Variants in SLC39A11 observed in about 807,000 individuals in gnomAD.
The protein encoded by SLC39A11 is zinc transporter ZIP11.
SLC39A11 carries 33 observed loss-of-function variants against 36.1 expected under a neutral mutation model. That is an observed-to-expected ratio of 0.91 (90% CI 0.69 to 1.22). SLC39A11 has a LOEUF of 1.22. Ranked by LOEUF, SLC39A11 falls within the 50% of genes most tolerant of loss-of-function variation. SLC39A11 has a pLI of 0.00. For missense variants in SLC39A11, 432 were observed against 430.3 expected (o/e 1.00, Z -0.03); for synonymous variants, 166 against 170.3 (o/e 0.97, Z 0.20).
chr17:73,031,561 G>A lies in SLC39A11; in HGVS notation c.301C>T (p.His101Tyr). ...AAAAGTAGAGTGGTACTCACCAAGTGAGGCATCAGGAGGTCAGCCAAGTAG... is the reference window on the plus strand; with the variant it reads ...AAAAGTAGAGTGGTACTCACCAAGTAAGGCATCAGGAGGTCAGCCAAGTAG... ...FVYLADLLMPHLGAAEDPQTT... is the reference protein window; with the variant it reads ...FVYLADLLMPYLGAAEDPQTT... Residue 101 changes from histidine to tyrosine, a missense_variant, in exon 4 of 10, where the codon CAC becomes TAC. By Grantham distance (83) the His-to-Tyr change is moderately conservative (BLOSUM62 2). Transcript: ENST00000255559. The A allele has an allele frequency of 6.2e-7, 1 of 1,614,148 alleles. No individual in the cohort carries two copies. Among genetic ancestry groups the A allele is most frequent in the Non-Finnish European group, 8.5e-7 (1 of 1,180,022 alleles).
chr17:72,662,772 AAAG>A (rs1366369052), intron 7 of SLC39A11, among the ~76,000 whole-genome samples: 4 of 151,818 alleles, frequency 2.6e-5, no homozygotes, highest in African/African-American at 9.7e-5. Flanking sequence ...AAGGAAAAGA[AAAG>A]AAAGGAAGGA....
intron 1 of SLC39A11, among the ~76,000 whole-genome samples, chr17:73,090,173 A>G (rs1248830442): frequency 6.6e-6 from 1 of 152,154 alleles, no homozygotes; most frequent in African/African-American, 2.4e-5. Flanking sequence ...TTGACCCTGG[A>G]AGGAAACCAT....
chr17:72,647,260 T>A lies in SLC39A11; in HGVS notation c.*324A>T. 1 of 211,134 alleles carries A rather than the reference T, an allele frequency of 4.7e-6. No homozygotes were observed. Among genetic ancestry groups the A allele is most frequent in the Non-Finnish European group, 9.5e-6 (1 of 105,082 alleles). The allele number at this position is 211,134 out of a possible 1,614,324, so 13.1% of individuals were successfully genotyped here. On this transcript the variant is annotated 3_prime_UTR_variant, in exon 10 of 10. Coordinates refer to ENST00000255559, the MANE Select transcript of SLC39A11 (RefSeq NM_139177.4). ...CGCTTCTATAGGTGACCTTGAGGAG[T>A]TGGGAGGCAGATAGAAGGTCCCGAA... is the stretch of plus-strand genomic sequence containing the variant.
Position 72,959,311 on chromosome 17 carries a change from A to ATG in SLC39A11, c.307-11438_307-11437dup, listed in dbSNP as rs1214552224. On this transcript the variant is annotated intron_variant, in intron 4 of 9. Transcript: ENST00000255559. ...AGTGGACAAAGAAACTGGTGTATGT[A>ATG]TGTGTGTGTGTGTGTATATATATAT... Among the ~76,000 whole-genome samples the ATG allele has an allele frequency of 5.8e-3, 538 of 92,466 alleles. 2 individuals carry two copies. The highest frequency in any genetic ancestry group is 0.014 in the African/African-American group (332 of 23,848). The allele number at this position is 92,466 out of a possible 152,430, so 60.7% of individuals were successfully genotyped here.
At chr17:73,041,134 T>C (rs2059100998) in intron 3 of SLC39A11, among the ~76,000 whole-genome samples, 1 of 152,160 alleles carries the variant, frequency 6.6e-6, no homozygotes, top group Admixed American at 6.5e-5. Context: ...CACTTTGGAA[T>C]ATCACAGAAT....
intron 5 of SLC39A11, among the ~76,000 whole-genome samples, chr17:72,885,781 C>A (rs1420848288): frequency 6.6e-6 from 1 of 152,314 alleles, no homozygotes; most frequent in East Asian, 1.9e-4. Context: ...TCGCTAGAGC[C>A]ACCCTCTAGC....
chr17:72,750,045 C>T (rs946015784), intron 6 of SLC39A11, among the ~76,000 whole-genome samples: 1 of 152,160 alleles, frequency 6.6e-6, no homozygotes, highest in African/African-American at 2.4e-5. Flanking sequence ...CACAAAGAGA[C>T]TGGGGATTCC....
intron 5 of SLC39A11, among the ~76,000 whole-genome samples, chr17:72,920,895 T>C (rs1169974503): frequency 1.3e-5 from 2 of 151,980 alleles, no homozygotes; most frequent in Non-Finnish European, 2.9e-5. Flanking sequence ...CATGCATACG[T>C]CTTACCCCCT....
intron 4 of SLC39A11, among the ~76,000 whole-genome samples, chr17:73,002,499 G>A (rs1167670553): frequency 6.6e-6 from 1 of 152,180 alleles, no homozygotes. Context: ...TGAGCTTTTA[G>A]ATGACCAAAA....
At chr17:72,787,698 A>G (rs376830536) in intron 6 of SLC39A11, among the ~76,000 whole-genome samples, 8 of 152,306 alleles carry the variant, frequency 5.3e-5, no homozygotes, top group Admixed American at 1.3e-4. Flanking sequence ...TTGGAGGTAA[A>G]CATCATTTTT....
Position 72,957,646 on chromosome 17 carries a change from C to T in SLC39A11, c.307-9771G>A, listed in dbSNP as rs1446891984. ...ACAGTCTGGCCAACATGGCAAAATC[C>T]CATCTCTACTAAAAATATAAAAATC... On this transcript the variant is annotated intron_variant, in intron 4 of 9. Coordinates refer to ENST00000255559, the MANE Select transcript of SLC39A11 (RefSeq NM_139177.4). 8.5e-5 allele frequency among the ~76,000 whole-genome samples: 13 copies of T among 152,250 alleles called. No individual in the cohort carries two copies. In the East Asian group the frequency reaches 2.1e-3, roughly 25 times the overall value.
chr17:72,693,809 CCCA>C (rs2072153745), intron 7 of SLC39A11, among the ~76,000 whole-genome samples: 1 of 152,134 alleles, frequency 6.6e-6, no homozygotes, highest in Admixed American at 6.5e-5. Context: ...ATTACAGGCG[CCCA>C]CCACCACGCC....
intron 4 of SLC39A11, among the ~76,000 whole-genome samples, chr17:72,954,615 G>A (rs980610986): frequency 2.0e-5 from 3 of 152,240 alleles, no homozygotes; most frequent in Admixed American, 2.0e-4. Flanking sequence ...AATTGATGCT[G>A]TTTTTATTAC....
chr17:72,746,128 G>GAGT (rs1568021826), intron 6 of SLC39A11, among the ~76,000 whole-genome samples: 2 of 152,196 alleles, frequency 1.3e-5, no homozygotes, highest in East Asian at 3.8e-4. Flanking sequence ...CTGAAGGTGG[G>GAGT]AGCTACTCCT....
intron 7 of SLC39A11, among the ~76,000 whole-genome samples, chr17:72,689,955 A>G (rs535799978): frequency 9.8e-5 from 15 of 152,316 alleles, no homozygotes; most frequent in African/African-American, 3.6e-4. Flanking sequence ...AAATTTCCAA[A>G]GTGGGGGATG....
At chr17:72,870,465 C>G (rs1483842136) in intron 5 of SLC39A11, among the ~76,000 whole-genome samples, 3 of 152,198 alleles carry the variant, frequency 2.0e-5, no homozygotes, top group African/African-American at 7.2e-5. Flanking sequence ...AAAACGGGTG[C>G]CCTGCGGCAA....
chr17:73,011,462 T>C (rs11658597), intron 4 of SLC39A11, among the ~76,000 whole-genome samples: 23,461 of 151,980 alleles, frequency 0.15, 1,992 homozygotes, highest in African/African-American at 0.21. Flanking sequence ...ACAACCTGCG[T>C]GGGATACTCT....
chr17:72,691,649 A>G (rs1241411647), intron 7 of SLC39A11, among the ~76,000 whole-genome samples: 1 of 152,230 alleles, frequency 6.6e-6, no homozygotes, highest in African/African-American at 2.4e-5. Context: ...GAAATTGTGA[A>G]CCTGTGGCAT....
At chr17:72,680,010 C>T (rs1567938765) in intron 7 of SLC39A11, among the ~76,000 whole-genome samples, 1 of 136,528 alleles carries the variant, frequency 7.3e-6, no homozygotes, top group African/African-American at 3.0e-5. Context: ...CTACTGCACT[C>T]CAGCCTGGGC....
Sources: allele counts gnomAD v4.1 joint callset (sites outside exome capture counted in the v4.1 genomes callset), GRCh38; gene constraint gnomAD v4.1.1; transcripts MANE v1.5; gene names NCBI Gene and HGNC (gene_info 2026-07-23, HGNC 2026-07-21).